ITIH5: variants seen among roughly 807,000 people sequenced by gnomAD.
The protein encoded by ITIH5 is inter-alpha-trypsin inhibitor heavy chain H5.
Under a neutral mutation model 77.5 loss-of-function variants are expected in ITIH5, and 65 were observed. The observed-to-expected ratio is 0.84, with a 90% CI of 0.69 to 1.03. The LOEUF is 1.03. Ranked by LOEUF, ITIH5 falls within the 50% of genes least tolerant of loss-of-function variation. The probability of loss-of-function intolerance (pLI) is 0.00; values close to 1 mark genes in which losing one functional copy is unlikely to be tolerated. For missense variants in ITIH5, 1,208 were observed against 1,213.1 expected, an observed-to-expected ratio of 1.00 and a Z score of 0.06; for synonymous variants, 525 against 494.3, an observed-to-expected ratio of 1.06 and a Z score of -0.82.
intron 7 of ITIH5, among the ~76,000 whole-genome samples, chr10:7,590,062 G>A (rs1285410821): frequency 1.3e-5 from 2 of 151,980 alleles, no homozygotes; most frequent in South Asian, 2.1e-4. Flanking sequence ...TATCTCTGGA[G>A]CTGGCCTCTC....
At chr10:7,615,872 G>A (rs1353137679) in intron 7 of ITIH5, 110 bp downstream of exon 7, 8 of 708,382 alleles carry the variant, frequency 1.1e-5, no homozygotes, top group South Asian at 6.6e-5. Context: ...GGCAGGAATC[G>A]CTGGATGGTA....
chr10:7,590,539 T>C (rs1832772358), intron 7 of ITIH5, among the ~76,000 whole-genome samples: 1 of 152,244 alleles, frequency 6.6e-6, no homozygotes, highest in Non-Finnish European at 1.5e-5. Flanking sequence ...ATATAATACA[T>C]ACATCGTGCT....
At chr10:7,574,496 C>CA (rs1832366069) in intron 10 of ITIH5, among the ~76,000 whole-genome samples, 1 of 151,730 alleles carries the variant, frequency 6.6e-6, no homozygotes, top group Admixed American at 6.6e-5. Context: ...ATTTAAAAAA[C>CA]AAAAAACAAA....
chr10:7,583,245 C>A (rs1045152840), intron 8 of ITIH5, among the ~76,000 whole-genome samples: 13 of 152,212 alleles, frequency 8.5e-5, no homozygotes, highest in African/African-American at 3.1e-4. Flanking sequence ...ATGTCCATGA[C>A]CAAATGTTCA....
chr10:7,637,365 T>C lies in ITIH5; in HGVS notation c.515A>G (p.His172Arg). ...CTGCTGGGGCCGCACGCTGATGCTG[T>C]GCTCGTACTTGCCCAGGCGCCTCTG... ...LLQRRLGKYE[H>R]SISVRPQQLS... The change falls in exon 5 of 14, where the codon CAC becomes CGC. Residue 172 changes from histidine (H) to arginine (R), a missense_variant. Coordinates refer to ENST00000397146, the MANE Select transcript of ITIH5 (RefSeq NM_030569.7). The C allele has an allele frequency of 1.2e-6, 2 of 1,614,220 alleles. No individual in the cohort carries two copies. The highest frequency in any genetic ancestry group is 1.7e-6 in the Non-Finnish European group (2 of 1,180,042).
At chr10:7,585,245 G>A (rs1332813061) in intron 8 of ITIH5, among the ~76,000 whole-genome samples, 1 of 152,198 alleles carries the variant, frequency 6.6e-6, no homozygotes, top group East Asian at 1.9e-4. Flanking sequence ...CGCAGGTCCT[G>A]AGTTGGGAGA....
At chr10:7,600,273 TA>T (rs1832988391) in intron 7 of ITIH5, among the ~76,000 whole-genome samples, 1 of 152,196 alleles carries the variant, frequency 6.6e-6, no homozygotes, top group Non-Finnish European at 1.5e-5. Context: ...GACAGGATGT[TA>T]GGGGGAGAAT....
chr10:7,583,682 G>A (rs1355846076), intron 8 of ITIH5, among the ~76,000 whole-genome samples: 1 of 152,210 alleles, frequency 6.6e-6, no homozygotes, highest in East Asian at 1.9e-4. Context: ...GCCCCTGGAT[G>A]TGTGAACAAG....
chr10:7,651,147 ATTTGGGGC>A (rs1400169829), intron 2 of ITIH5, among the ~76,000 whole-genome samples: 2 of 152,082 alleles, frequency 1.3e-5, no homozygotes, highest in African/African-American at 4.8e-5. Context: ...ATGCTCTGGC[ATTTGGGGC>A]TTTGATCCTG....
chr10:7,586,331 C>T (rs950925931), intron 7 of ITIH5, among the ~76,000 whole-genome samples: 9 of 152,180 alleles, frequency 5.9e-5, no homozygotes, highest in Non-Finnish European at 1.3e-4. Context: ...CGCATCTCCA[C>T]AATTGCTGTT....
At chr10:7,575,537 G>A (rs972233118) in intron 10 of ITIH5, among the ~76,000 whole-genome samples, 2 of 152,166 alleles carry the variant, frequency 1.3e-5, no homozygotes, top group African/African-American at 4.8e-5. Context: ...AGATCTGCCA[G>A]GAATACAATG....
At chr10:7,608,794 C>T (rs948227101) in intron 7 of ITIH5, among the ~76,000 whole-genome samples, 65 of 152,208 alleles carry the variant, frequency 4.3e-4, no homozygotes, top group African/African-American at 1.5e-3. Context: ...CCCATACACG[C>T]CCAAGGAGTG....
chr10:7,651,924 T>C (rs917671939), intron 2 of ITIH5, among the ~76,000 whole-genome samples: 3 of 152,202 alleles, frequency 2.0e-5, no homozygotes, highest in African/African-American at 7.2e-5. Context: ...AAATTCCTCC[T>C]TCATGTCAGT....
At chr10:7,591,646 G>A (rs1347218201) in intron 7 of ITIH5, among the ~76,000 whole-genome samples, 1 of 152,024 alleles carries the variant, frequency 6.6e-6, no homozygotes, top group African/African-American at 2.4e-5. Context: ...CTTTGCTGCT[G>A]CAGGTCTCTT....
intron 7 of ITIH5, chr10:7,609,511 G>A (rs1041694549): frequency 6.6e-6 from 3 of 454,632 alleles, no homozygotes; most frequent in African/African-American, 6.0e-5. Context: ...CATAAAGTAA[G>A]CCTGTGAGTG....
chr10:7,569,010 C>CTTTTTTTTTTTTTTTTTTT (rs5782983), intron 12 of ITIH5, among the ~76,000 whole-genome samples: 1 of 71,596 alleles, frequency 1.4e-5, no homozygotes, highest in African/African-American at 5.0e-5. Context: ...TTTTCTTTTT[C>CTTTTTTTTTTTTTTTTTTT]TTTTTTTTTT....
chr10:7,572,727 G>A (rs1832325884), intron 11 of ITIH5: 1 of 191,650 alleles, frequency 5.2e-6, no homozygotes, highest in Admixed American at 5.7e-5. Flanking sequence ...ATTGCTGAAT[G>A]AGCTGGTATT....
intron 12 of ITIH5, 107 bp downstream of exon 12, chr10:7,569,561 G>C (rs1021405090): frequency 1.5e-6 from 1 of 650,540 alleles, no homozygotes; most frequent in Non-Finnish European, 2.6e-6. Flanking sequence ...CTCACTGAGC[G>C]TCTGTAAGGT....
chr10:7,565,245 C>T (rs562867126), intron 13 of ITIH5, among the ~76,000 whole-genome samples: 31 of 148,622 alleles, frequency 2.1e-4, no homozygotes, highest in African/African-American at 6.7e-4. Flanking sequence ...AGAGTGTATA[C>T]ATACATATAC....
Sources: allele counts gnomAD v4.1 joint callset (sites outside exome capture counted in the v4.1 genomes callset), GRCh38; gene constraint gnomAD v4.1.1; transcripts MANE v1.5; gene names NCBI Gene and HGNC (gene_info 2026-07-23, HGNC 2026-07-21).